The following LRIT3 variants were observed in gnomAD, a reference collection of about 807,000 sequenced individuals.
The protein encoded by LRIT3 is leucine rich repeat, Ig-like and transmembrane domains 3.
A neutral mutation model predicts 22.6 loss-of-function variants in LRIT3; 14 were observed. That is an observed-to-expected ratio of 0.62 (90% CI 0.41 to 0.97). The LOEUF (loss-of-function observed/expected upper bound fraction) is 0.97, where lower values mean the gene tolerates loss of function less well. Among genes scored for constraint, LRIT3 ranks in the 50% least tolerant of loss-of-function variants. LRIT3 has a pLI of 0.00. For synonymous variants in LRIT3, 306 were observed against 304.5 expected, an observed-to-expected ratio of 1.01 and a Z score of -0.05; for missense variants, 783 against 803.0, an observed-to-expected ratio of 0.98 and a Z score of 0.30.
At position 109,870,329 on chromosome 4, in the gene LRIT3, T is replaced by A. The variant is rs144174258; in HGVS notation, c.1580T>A (p.Leu527Gln). Residue 527 changes from leucine to glutamine, a missense_variant, in exon 4 of 4, where the codon CTG becomes CAG. By Grantham distance (113) the Leu-to-Gln change is moderately radical. Coordinates refer to ENST00000594814, the MANE Select transcript of LRIT3 (RefSeq NM_198506.5). ...VLYSKYGGKD[L>Q]LLLNADSSKN... Reference sequence around the variant, plus strand: ...TATTCCAAGTATGGTGGGAAGGACCTGCTGCTGTTGAATGCAGACTCCAGC... The same window carrying A: ...TATTCCAAGTATGGTGGGAAGGACCAGCTGCTGTTGAATGCAGACTCCAGC... The A allele has an allele frequency of 2.3e-5, 37 of 1,614,086 alleles. No individual in the cohort carries two copies. Among genetic ancestry groups the A allele is most frequent in the Non-Finnish European group, 3.1e-5 (37 of 1,180,034 alleles).
chr4:109,862,742 C>T (rs890729893), intron 2 of LRIT3, among the ~76,000 whole-genome samples: 5 of 152,180 alleles, frequency 3.3e-5, no homozygotes, highest in Admixed American at 2.6e-4. Flanking sequence ...CTTTGTCACC[C>T]AGGCTGGAGT....
At chr4:109,852,764 G>C (rs1184712074) in intron 2 of LRIT3, among the ~76,000 whole-genome samples, 1 of 152,094 alleles carries the variant, frequency 6.6e-6, no homozygotes, top group African/African-American at 2.4e-5. Flanking sequence ...ACAGGCCCCA[G>C]TGTGTGATGT....
In LRIT3 at chr4:109,869,657, C is replaced by T; in HGVS notation, c.908C>T (p.Ser303Phe). ...TGTTTTCTTCCAGTAATACAAGAATCTCCAGAGGAAGGAGTCAGATGGTCC... is the reference window on the plus strand; with the variant it reads ...TGTTTTCTTCCAGTAATACAAGAATTTCCAGAGGAAGGAGTCAGATGGTCC... Reference protein sequence around the residue: ...SPVNYTVIQESPEEGVRWSIM... With the variant: ...SPVNYTVIQEFPEEGVRWSIM... Residue 303 changes from serine (S) to phenylalanine (F), a missense_variant, in exon 4 of 4, where the codon TCT becomes TTT. By Grantham distance (155) the Ser-to-Phe change is radical. Coordinates refer to ENST00000594814, the MANE Select transcript of LRIT3 (RefSeq NM_198506.5). 6.5e-7 allele frequency: 1 copy of T among 1,540,510 alleles called. No individual in the cohort carries two copies. The highest frequency in any genetic ancestry group is 8.7e-7 in the Non-Finnish European group (1 of 1,145,444).
Position 109,871,745 on chromosome 4 carries a change from A to G in LRIT3, c.*956A>G, listed in dbSNP as rs930523977. 3.3e-5 allele frequency: 5 copies of G among 152,184 alleles called. No homozygotes were observed. Among genetic ancestry groups the G allele is most frequent in the Non-Finnish European group, 5.9e-5 (4 of 68,038 alleles). The allele number at this position is 152,184 out of a possible 1,614,324, so 9.4% of individuals were successfully genotyped here. On this transcript the variant is annotated 3_prime_UTR_variant, in exon 4 of 4. Coordinates refer to ENST00000594814, the MANE Select transcript of LRIT3 (RefSeq NM_198506.5). ...CTGCCCTTTGAAAGTCTGTTTTACA[A>G]CCCCAAAGGATATTTTAGGACTTTA...
intron 3 of LRIT3, among the ~76,000 whole-genome samples, chr4:109,868,494 T>G (rs1579381933): frequency 6.7e-6 from 1 of 149,366 alleles, no homozygotes; most frequent in Non-Finnish European, 1.5e-5. Context: ...TTGCTTGAAT[T>G]TGGGGGGTGG....
In LRIT3 at chr4:109,870,134, C is replaced by T. The variant is rs201097191; in HGVS notation, c.1385C>T (p.Pro462Leu). The T allele has an allele frequency of 3.0e-5, 49 of 1,614,152 alleles. No homozygotes were observed. The highest frequency in any genetic ancestry group is 4.1e-5 in the Non-Finnish European group (48 of 1,180,022). ...LKVAKNGSKL[P>L]PASTSKKEEL... ...GTGGCAAAGAATGGAAGTAAGCTTC[C>T]TCCAGCCAGCACAAGTAAGAAAGAA... The change falls in exon 4 of 4, where the codon CCT (proline) becomes CTT (leucine). Residue 462 changes from proline to leucine, a missense_variant. Transcript: ENST00000594814.
rs890325688 is a variant in LRIT3, at chr4:109,851,879, A to G, written c.492A>G (p.Arg164=). The change falls in exon 2 of 4, where the codon AGA becomes AGG. Residue 164 remains arginine (R), a synonymous_variant. Coordinates refer to ENST00000594814, the MANE Select transcript of LRIT3 (RefSeq NM_198506.5). ...NLAYLDLSSN[R]LTTLPPDFLE... is the part of the protein sequence containing the mutation. The stretch of plus-strand genomic sequence containing the variant: ...CCTACTTGGATTTATCAAGCAACAG[A>G]CTCACCACATTGCCACCAGATTTCC... 6.8e-5 allele frequency: 106 copies of G among 1,551,442 alleles called. No individual in the cohort carries two copies. The highest frequency in any genetic ancestry group is 8.8e-5 in the Non-Finnish European group (101 of 1,146,984).
chr4:109,854,342 T>C (rs1344110038), intron 2 of LRIT3, among the ~76,000 whole-genome samples: 4 of 152,224 alleles, frequency 2.6e-5, no homozygotes, highest in Admixed American at 1.3e-4. Flanking sequence ...TTATTCTCTT[T>C]TTACCAATTG....
In LRIT3 at chr4:109,869,961, T is replaced by C. The variant is rs754839429; in HGVS notation, c.1212T>C (p.Pro404=). ...TSSFSASTLS[P]PSTASFSLSP... is the part of the protein sequence containing the mutation. Reference sequence around the variant, plus strand: ...CTTTTTCTGCTTCTACTTTGTCTCCTCCCTCTACTGCTTCCTTCTCTTTAT... The same window carrying C: ...CTTTTTCTGCTTCTACTTTGTCTCCCCCCTCTACTGCTTCCTTCTCTTTAT... Residue 404 remains proline, a synonymous_variant, in exon 4 of 4, where the codon CCT becomes CCC. Transcript: ENST00000594814. 10 of 1,614,078 alleles carry C rather than the reference T, an allele frequency of 6.2e-6. No homozygotes were observed. Among genetic ancestry groups the C allele is most frequent in the South Asian group, 4.4e-5 (4 of 91,084 alleles).
chr4:109,862,779 G>A (rs1734578608), intron 2 of LRIT3, among the ~76,000 whole-genome samples: 1 of 152,140 alleles, frequency 6.6e-6, no homozygotes. Context: ...TGACTCCTGG[G>A]CTCAGTTGAT....
At chr4:109,866,164 A>T (rs1467817515) in intron 2 of LRIT3, among the ~76,000 whole-genome samples, 1 of 152,182 alleles carries the variant, frequency 6.6e-6, no homozygotes, top group Non-Finnish European at 1.5e-5. Context: ...TATAGAATTT[A>T]TGAACTAACA....
chr4:109,852,111 T>C lies in LRIT3; in HGVS notation c.589+135T>C, dbSNP rs1734288916. 3 of 780,064 alleles carry C rather than the reference T, an allele frequency of 3.8e-6. No individual in the cohort carries two copies. In the South Asian group the frequency reaches 5.8e-5, roughly 15 times the overall value. 48.3% of individuals were successfully genotyped at this position (780,064 alleles called of 1,614,324 possible). A position where few individuals can be genotyped will look rare whatever the true frequency, so the allele number is the denominator to read the frequency against. ...CACTTTTACTGGAATAGTACCTTATTAGTTAACCTAGGTCAAGTTACCCTT... is the reference window on the plus strand; with the variant it reads ...CACTTTTACTGGAATAGTACCTTATCAGTTAACCTAGGTCAAGTTACCCTT... On this transcript the variant is annotated intron_variant, in intron 2 of 3. Transcript: ENST00000594814.
chr4:109,853,241 T>A (rs919606575), intron 2 of LRIT3, among the ~76,000 whole-genome samples: 3 of 152,122 alleles, frequency 2.0e-5, no homozygotes, highest in Non-Finnish European at 4.4e-5. Context: ...CTCTCCAGCG[T>A]CTGTTGTTTC....
At chr4:109,853,614 A>G (rs539645724) in intron 2 of LRIT3, among the ~76,000 whole-genome samples, 2 of 152,212 alleles carry the variant, frequency 1.3e-5, no homozygotes, top group African/African-American at 2.4e-5. Flanking sequence ...CCATTTGTCA[A>G]TTTTGGCTTT....
chr4:109,868,601 C>T (rs1267141800), intron 3 of LRIT3, among the ~76,000 whole-genome samples: 1 of 148,672 alleles, frequency 6.7e-6, no homozygotes, highest in Non-Finnish European at 1.5e-5. Flanking sequence ...ACAAGTCTCT[C>T]ATTTTTGAAT....
rs1351324368 is a variant in LRIT3 at position 109,867,755 on chromosome 4, C to T, written c.704C>T (p.Pro235Leu). The T allele has an allele frequency of 6.2e-7, 1 of 1,614,016 alleles. No homozygotes were observed. Among genetic ancestry groups the T allele is most frequent in the African/African-American group, 1.3e-5 (1 of 74,914 alleles). Residue 235 changes from proline to leucine, a missense_variant, in exon 3 of 4, where the codon CCT (proline) becomes CTT (leucine). Physicochemically the swap from Pro to Leu is moderately conservative, Grantham distance 98. Transcript: ENST00000594814. ...LLDPLMTCSE[P>L]ERLTGILFQR... ...GATCCACTGATGACTTGCAGTGAAC[C>T]TGAGCGCCTCACAGGAATTTTGTTT...
chr4:109,860,142 G>A (rs1335344305), intron 2 of LRIT3, among the ~76,000 whole-genome samples: 3 of 152,224 alleles, frequency 2.0e-5, no homozygotes, highest in Admixed American at 6.5e-5. Flanking sequence ...ATTTACACAG[G>A]CATATTCTGT....
Position 109,870,400 on chromosome 4 carries a change from A to G in LRIT3, c.1651A>G (p.Met551Val), listed in dbSNP as rs1734802372. 3 of 1,614,196 alleles carry G rather than the reference A, an allele frequency of 1.9e-6. No homozygotes were observed. Among genetic ancestry groups the G allele is most frequent in the Non-Finnish European group, 2.5e-6 (3 of 1,180,030 alleles). Residue 551 changes from methionine to valine, a missense_variant, in exon 4 of 4, where the codon ATG becomes GTG. Met to Val is a conservative substitution (Grantham distance 21, BLOSUM62 1). Transcript: ENST00000594814. ...IDGLEPGGQY[M>V]ACVCPKGVPP... Reference sequence around the variant, plus strand: ...TGGCTTGGAACCCGGTGGGCAATACATGGCCTGTGTCTGTCCAAAAGGAGT... The same window carrying G: ...TGGCTTGGAACCCGGTGGGCAATACGTGGCCTGTGTCTGTCCAAAAGGAGT...
chr4:109,865,239 G>A (rs1373305817), intron 2 of LRIT3: 2 of 1,554,930 alleles, frequency 1.3e-6, no homozygotes, highest in South Asian at 2.3e-5. Flanking sequence ...TTAACTAATG[G>A]TTGAGCCTCA....
Sources: gnomAD v4.1 joint callset for allele counts (sites outside exome capture counted in the v4.1 genomes callset) on GRCh38, gnomAD v4.1.1 for gene constraint, MANE v1.5 for transcripts, NCBI Gene and HGNC (gene_info 2026-07-23, HGNC 2026-07-21) for gene names.